The following OR2M3 variants were observed in gnomAD, a reference collection of about 807,000 sequenced individuals.
The protein encoded by OR2M3 is olfactory receptor family 2 subfamily M member 3.
In OR2M3, 1 loss-of-function variant was observed where a neutral mutation model predicts 4.3. The ratio of observed to expected loss-of-function variants is 0.23; its 90% CI spans 0.08 to 1.11. OR2M3 has a LOEUF of 1.11. OR2M3 is among the 50% of genes most tolerant of loss of function. The pLI is 0.54. For synonymous variants in OR2M3, 151 were observed against 139.4 expected (o/e 1.08, Z -0.59); for missense variants, 410 against 390.4 (o/e 1.05, Z -0.42).
chr1:248,207,724 A>G lies in OR2M3; in HGVS notation c.*3718A>G, dbSNP rs1249145125. On this transcript the variant is annotated 3_prime_UTR_variant, in exon 2 of 2. Transcript: ENST00000641626. Reference sequence around the variant, plus strand: ...TTCACTGAGACTTGTTTTTTGGCCTATCATATGGTCTATCTTGGAGAATGT... The same window carrying G: ...TTCACTGAGACTTGTTTTTTGGCCTGTCATATGGTCTATCTTGGAGAATGT... The G allele has an allele frequency of 6.6e-6, 1 of 152,094 alleles. No individual in the cohort carries two copies. Among genetic ancestry groups the G allele is most frequent in the Non-Finnish European group, 1.5e-5 (1 of 67,974 alleles). 9.4% of individuals were successfully genotyped at this position (152,094 alleles called of 1,614,324 possible). A position where few individuals can be genotyped will look rare whatever the true frequency, so the allele number is the denominator to read the frequency against.
Position 248,203,170 on chromosome 1 carries a change from T to C in OR2M3, c.103T>C (p.Phe35Leu), listed in dbSNP as rs1666177825. ...TFLFFLVLAI[F>L]SVAFMGNSVM... Reference sequence around the variant, plus strand: ...CCTCTTCTTTCTGGTCCTGGCCATCTTTTCAGTGGCCTTCATGGGAAACTC... The same window carrying C: ...CCTCTTCTTTCTGGTCCTGGCCATCCTTTCAGTGGCCTTCATGGGAAACTC... Residue 35 changes from phenylalanine to leucine, a missense_variant, in exon 2 of 2, where the codon TTT becomes CTT. Transcript: ENST00000641626. 3 of 1,614,036 alleles carry C rather than the reference T, an allele frequency of 1.9e-6. No individual in the cohort carries two copies. The highest frequency in any genetic ancestry group is 2.2e-5 in the East Asian group (1 of 44,862).
chr1:248,203,031 G>A lies in OR2M3; in HGVS notation c.-18-19G>A, dbSNP rs377079998. The A allele has an allele frequency of 7.1e-5, 112 of 1,568,656 alleles. No homozygotes were observed. Among genetic ancestry groups the A allele is most frequent in the East Asian group, 9.0e-5 (4 of 44,540 alleles). ...GAGTAAAGTTTTACCAAATTAATAC[G>A]CTGGTTTTGTGGTACTAGGTAAAAA... On this transcript the variant is annotated intron_variant, in intron 1 of 1. Coordinates refer to ENST00000641626, the MANE Select transcript of OR2M3 (RefSeq NM_001004689.2).
chr1:248,207,159 C>G lies in OR2M3; in HGVS notation c.*3153C>G, dbSNP rs1335478478. The G allele has an allele frequency of 6.6e-6, 1 of 151,924 alleles. No individual in the cohort carries two copies. Among genetic ancestry groups the G allele is most frequent in the Non-Finnish European group, 1.5e-5 (1 of 67,934 alleles). 9.4% of individuals were successfully genotyped at this position (151,924 alleles called of 1,614,324 possible). On this transcript the variant is annotated 3_prime_UTR_variant, in exon 2 of 2. Coordinates refer to ENST00000641626, the MANE Select transcript of OR2M3 (RefSeq NM_001004689.2). ...TCTATGGAATCAATTGTAATATCTC[C>G]CTTTTCATTTCTAATTGTGTTTATT...
At position 248,203,150 on chromosome 1, in the gene OR2M3, T is replaced by A. The variant is rs1666177447; in HGVS notation, c.83T>A (p.Phe28Tyr). Residue 28 changes from phenylalanine to tyrosine, a missense_variant, in exon 2 of 2, where the codon TTC (phenylalanine) becomes TAC (tyrosine). Physicochemically the swap from Phe to Tyr is conservative, Grantham distance 22. Coordinates refer to ENST00000641626, the MANE Select transcript of OR2M3 (RefSeq NM_001004689.2). ...FNHSPTHTFL[F>Y]FLVLAIFSVA... ...CACAGCCCCACCCACACCTTCCTCT[T>A]CTTTCTGGTCCTGGCCATCTTTTCA... is the stretch of plus-strand genomic sequence containing the variant. 1 of 1,613,926 alleles carries A rather than the reference T, an allele frequency of 6.2e-7. No individual in the cohort carries two copies. The highest frequency in any genetic ancestry group is 8.5e-7 in the Non-Finnish European group (1 of 1,179,990).
intron 1 of OR2M3, among the ~76,000 whole-genome samples, chr1:248,198,650 A>G (rs4916111): frequency 0.51 from 77,743 of 151,892 alleles, 21,317 homozygotes; most frequent in Non-Finnish European, 0.62. Flanking sequence ...CATCTCCCTC[A>G]GTGACTTCTC....
intron 1 of OR2M3, among the ~76,000 whole-genome samples, chr1:248,198,445 A>G (rs1666121728): frequency 6.6e-6 from 1 of 152,170 alleles, no homozygotes; most frequent in Non-Finnish European, 1.5e-5. Context: ...TATTACATAT[A>G]AAGTTGCTAT....
rs530690393 is a variant in OR2M3, at chr1:248,208,153, T to C, written c.*4147T>C. ...ATTCCTGCTTGCTTTTGGTGTCAAT[T>C]TGCATGGAATATGTTCTTTCACCCC... On this transcript the variant is annotated 3_prime_UTR_variant, in exon 2 of 2. Transcript: ENST00000641626. 279 of 152,232 alleles carry C rather than the reference T, an allele frequency of 1.8e-3. 1 individual carries two copies. Among genetic ancestry groups the C allele is most frequent in the African/African-American group, 6.5e-3 (270 of 41,542 alleles). 9.4% of individuals were successfully genotyped at this position (152,232 alleles called of 1,614,324 possible). A position where few individuals can be genotyped will look rare whatever the true frequency, so the allele number is the denominator to read the frequency against.
In OR2M3 at chr1:248,203,386, C is replaced by T. The variant is rs1558252837; in HGVS notation, c.319C>T (p.Leu107=). ...CACACAAATTTTCTTCTATACATCA[C>T]TGCTTGGCTCTGAGTGCTTTCTTTT... ...CATQIFFYTS[L]LGSECFLLAV... Residue 107 remains leucine, a synonymous_variant, in exon 2 of 2, where the codon CTG becomes TTG. Transcript: ENST00000641626. 1 of 1,614,078 alleles carries T rather than the reference C, an allele frequency of 6.2e-7. No individual in the cohort carries two copies. The highest frequency in any genetic ancestry group is 1.1e-5 in the South Asian group (1 of 91,078).
At position 248,212,756 on chromosome 1, in the gene OR2M3, C is replaced by T. The variant is rs912051999; in HGVS notation, c.*8750C>T. 1 of 151,874 alleles carries T rather than the reference C, an allele frequency of 6.6e-6. No homozygotes were observed. The highest frequency in any genetic ancestry group is 6.6e-5 in the Admixed American group (1 of 15,232). 9.4% of individuals were successfully genotyped at this position (151,874 alleles called of 1,614,324 possible). The stretch of plus-strand genomic sequence containing the variant: ...GAAACCAGGCTCCTGTCTTTGTTTC[C>T]AGTCTCACCTACTTTCAGCAGACAG... On this transcript the variant is annotated 3_prime_UTR_variant, in exon 2 of 2. Transcript: ENST00000641626.
In OR2M3 at chr1:248,208,567, C is replaced by G. The variant is rs1417060222; in HGVS notation, c.*4561C>G. The G allele has an allele frequency of 6.6e-6, 1 of 152,080 alleles. No homozygotes were observed. The highest frequency in any genetic ancestry group is 1.5e-5 in the Non-Finnish European group (1 of 68,004). 9.4% of individuals were successfully genotyped at this position (152,080 alleles called of 1,614,324 possible). Reference sequence around the variant, plus strand: ...TTGTCTGAAAAAGATGGTGCCTTTCCTTCATTTCTGAAGCATAGCTTCGCT... The same window carrying G: ...TTGTCTGAAAAAGATGGTGCCTTTCGTTCATTTCTGAAGCATAGCTTCGCT... On this transcript the variant is annotated 3_prime_UTR_variant, in exon 2 of 2. Coordinates refer to ENST00000641626, the MANE Select transcript of OR2M3 (RefSeq NM_001004689.2).
rs1002198207 is a variant in OR2M3 at position 248,201,355 on chromosome 1, A to T, written c.-18-1695A>T. Among the ~76,000 whole-genome samples the T allele has an allele frequency of 5.3e-5, 8 of 152,134 alleles. No homozygotes were observed. In the South Asian group the frequency reaches 1.7e-3, roughly 32 times the overall value. On this transcript the variant is annotated intron_variant, in intron 1 of 1. Transcript: ENST00000641626. ...CATTATAAGTGTGAGGTTTCCCTTGACTACTCTATTCAAAGTTGAACATAC... is the reference window on the plus strand; with the variant it reads ...CATTATAAGTGTGAGGTTTCCCTTGTCTACTCTATTCAAAGTTGAACATAC...
rs938308555 is a variant in OR2M3, at chr1:248,205,801, G to T, written c.*1795G>T. ...CTTTTTTATTCCATATGAATTTTAG[G>T]ATTGTTCTTTCTAGTTCTGTTAAGA... is the stretch of plus-strand genomic sequence containing the variant. On this transcript the variant is annotated 3_prime_UTR_variant, in exon 2 of 2. Coordinates refer to ENST00000641626, the MANE Select transcript of OR2M3 (RefSeq NM_001004689.2). 2 of 151,860 alleles carry T rather than the reference G, an allele frequency of 1.3e-5. No homozygotes were observed. The highest frequency in any genetic ancestry group is 4.8e-5 in the African/African-American group (2 of 41,390). 9.4% of individuals were successfully genotyped at this position (151,860 alleles called of 1,614,324 possible).
rs975898271 is a variant in OR2M3, at chr1:248,210,622, C to T, written c.*6616C>T. On this transcript the variant is annotated 3_prime_UTR_variant, in exon 2 of 2. Coordinates refer to ENST00000641626, the MANE Select transcript of OR2M3 (RefSeq NM_001004689.2). Reference sequence around the variant, plus strand: ...TCAGTGTACTTTGTAATGTCCCCCACCCTTAAGAAGGTTCTTTGTAATCTC... The same window carrying T: ...TCAGTGTACTTTGTAATGTCCCCCATCCTTAAGAAGGTTCTTTGTAATCTC... 1.3e-5 allele frequency: 2 copies of T among 149,254 alleles called. No homozygotes were observed. The highest frequency in any genetic ancestry group is 5.2e-5 in the African/African-American group (2 of 38,730). 9.2% of individuals were successfully genotyped at this position (149,254 alleles called of 1,614,324 possible).
Position 248,211,248 on chromosome 1 carries a change from C to G in OR2M3, c.*7242C>G, listed in dbSNP as rs1185220319. ...CAGGTGACATCTTAACATTTGATCT[C>G]TAATTACTTCCATCACAAAAAGTTA... On this transcript the variant is annotated 3_prime_UTR_variant, in exon 2 of 2. Coordinates refer to ENST00000641626, the MANE Select transcript of OR2M3 (RefSeq NM_001004689.2). 2 of 152,092 alleles carry G rather than the reference C, an allele frequency of 1.3e-5. No homozygotes were observed. Among genetic ancestry groups the G allele is most frequent in the Non-Finnish European group, 2.9e-5 (2 of 68,006 alleles). 9.4% of individuals were successfully genotyped at this position (152,092 alleles called of 1,614,324 possible).
intron 1 of OR2M3, among the ~76,000 whole-genome samples, chr1:248,201,068 C>T (rs1666151782): frequency 6.6e-6 from 1 of 152,086 alleles, no homozygotes; most frequent in Admixed American, 6.6e-5. Context: ...TAATTTTTTA[C>T]TGCCTGGGAT....
Position 248,207,918 on chromosome 1 carries a change from C to T in OR2M3, c.*3912C>T, listed in dbSNP as rs1666240610. The T allele has an allele frequency of 6.6e-6, 1 of 151,970 alleles. No homozygotes were observed. The highest frequency in any genetic ancestry group is 1.5e-5 in the Non-Finnish European group (1 of 67,954). The allele number at this position is 151,970 out of a possible 1,614,324, so 9.4% of individuals were successfully genotyped here. A position where few individuals can be genotyped will look rare whatever the true frequency, so the allele number is the denominator to read the frequency against. ...CTCTCAGTGGAGTATTGAAGTCCCC[C>T]ACTATTATTGCATTGTCATCTATCT... On this transcript the variant is annotated 3_prime_UTR_variant, in exon 2 of 2. Transcript: ENST00000641626.
chr1:248,201,405 T>C (rs1340431212), intron 1 of OR2M3, among the ~76,000 whole-genome samples: 1 of 152,130 alleles, frequency 6.6e-6, no homozygotes, highest in Admixed American at 6.6e-5. Flanking sequence ...TGCCCTTCTT[T>C]AACTAAGTTT....
Position 248,203,084 on chromosome 1 carries a change from C to T in OR2M3, c.17C>T (p.Ser6Leu), listed in dbSNP as rs769867138. Residue 6 changes from serine (S) to leucine (L), a missense_variant, in exon 2 of 2, where the codon TCG becomes TTG. Transcript: ENST00000641626. Reference protein sequence around the residue: MARENSTFNSDFILLG... With the variant: MARENLTFNSDFILLG... ...ATACACATCATGGCAAGGGAGAATT[C>T]GACCTTCAACTCCGACTTCATCCTC... The T allele has an allele frequency of 1.6e-5, 25 of 1,612,734 alleles. No individual in the cohort carries two copies. The highest frequency in any genetic ancestry group is 3.3e-4 in the Middle Eastern group (2 of 6,078).
chr1:248,203,093 A>C lies in OR2M3; in HGVS notation c.26A>C (p.Asn9Thr), dbSNP rs1174326148. Residue 9 changes from asparagine (N) to threonine (T), a missense_variant, in exon 2 of 2, where the codon AAC becomes ACC. Asn to Thr is a moderately conservative substitution (Grantham distance 65, BLOSUM62 0). Transcript: ENST00000641626. Reference sequence around the variant, plus strand: ...ATGGCAAGGGAGAATTCGACCTTCAACTCCGACTTCATCCTCCTGGGAATC... The same window carrying C: ...ATGGCAAGGGAGAATTCGACCTTCACCTCCGACTTCATCCTCCTGGGAATC... MARENSTF[N>T]SDFILLGIFN... 1 of 1,613,710 alleles carries C rather than the reference A, an allele frequency of 6.2e-7. No individual in the cohort carries two copies. Among genetic ancestry groups the C allele is most frequent in the South Asian group, 1.1e-5 (1 of 91,020 alleles).
Sources: allele counts gnomAD v4.1 joint callset (sites outside exome capture counted in the v4.1 genomes callset), GRCh38; gene constraint gnomAD v4.1.1; transcripts MANE v1.5; gene names NCBI Gene and HGNC (gene_info 2026-07-23, HGNC 2026-07-21).